The following SLC66A1 variants were observed in gnomAD, a reference collection of about 807,000 sequenced individuals.
SLC66A1 encodes lysosomal amino acid transporter 1 homolog.
A neutral mutation model predicts 33.0 loss-of-function variants in SLC66A1; 23 were observed. The ratio of observed to expected loss-of-function variants is 0.70; its 90% confidence interval spans 0.50 to 0.99. The LOEUF (loss-of-function observed/expected upper bound fraction) is 0.99. Ranked by LOEUF, SLC66A1 falls within the 50% of genes least tolerant of loss-of-function variation. The pLI is 0.00. For missense variants in SLC66A1, 335 were observed against 383.6 expected (o/e 0.87, Z 1.06); for synonymous variants, 164 against 175.5 (o/e 0.93, Z 0.52).
At position 19,328,504 on chromosome 1, in the gene SLC66A1, TC is replaced by T; in HGVS notation, c.805-67del. 6.9e-7 allele frequency: 1 copy of T among 1,453,538 alleles called. No individual in the cohort carries two copies. The highest frequency in any genetic ancestry group is 1.2e-5 in the South Asian group (1 of 82,880). 90.0% of individuals were successfully genotyped at this position (1,453,538 alleles called of 1,614,324 possible). ...GGGAGAGGGAGGCAGCTCCCAGGAG[TC>T]GAAGGCCCCCAGGGGCAGGTCCAAC... On this transcript the variant is annotated intron_variant, in intron 7 of 7. Coordinates refer to ENST00000375153, the MANE Select transcript of SLC66A1 (RefSeq NM_001040125.2). The surrounding 1 kb of genome is among the most constrained non-coding windows in gnomAD (Gnocchi z 4.7).
intron 2 of SLC66A1, among the ~76,000 whole-genome samples, chr1:19,320,280 T>C (rs965226439): frequency 1.3e-5 from 2 of 152,146 alleles, no homozygotes; most frequent in African/African-American, 4.8e-5. Context: ...CTGGGTCCTA[T>C]GTTAACTCTA....
chr1:19,325,216 T>C (rs536980247), intron 3 of SLC66A1, among the ~76,000 whole-genome samples: 1 of 152,320 alleles, frequency 6.6e-6, no homozygotes, highest in South Asian at 2.1e-4. Flanking sequence ...GAGCCATCAC[T>C]TCACCGCGGA....
chr1:19,321,952 T>G (rs1008191167), intron 2 of SLC66A1, among the ~76,000 whole-genome samples: 4 of 152,198 alleles, frequency 2.6e-5, no homozygotes, highest in African/African-American at 9.7e-5. Flanking sequence ...GCTTGATGTT[T>G]TTACTGAGTT....
At chr1:19,327,902 CAT>C in intron 7 of SLC66A1, 1 of 280,720 alleles carries the variant, frequency 3.6e-6, no homozygotes, top group Non-Finnish European at 7.1e-6. Flanking sequence ...TGGAGAGACA[CAT>C]GACTTGGTCA....
chr1:19,314,894 GT>G (rs3215559), intron 1 of SLC66A1, among the ~76,000 whole-genome samples: 49,992 of 149,950 alleles, frequency 0.33, 8,330 homozygotes, highest in Middle Eastern at 0.37. Flanking sequence ...GGACTATATG[GT>G]TTTTTTTTTG....
chr1:19,334,131 A>T (rs1165783834), downstream of SLC66A1, among the ~76,000 whole-genome samples: 1 of 152,170 alleles, frequency 6.6e-6, no homozygotes. Flanking sequence ...ACGGTTACTA[A>T]GTACTCCACC....
chr1:19,331,152 C>T (rs1402851388), downstream of SLC66A1, among the ~76,000 whole-genome samples: 1 of 152,194 alleles, frequency 6.6e-6, no homozygotes, highest in East Asian at 1.9e-4. Context: ...GCTGGGATTA[C>T]AGGCGCCTGC....
At chr1:19,318,261 T>C (rs1196401952) in intron 2 of SLC66A1, among the ~76,000 whole-genome samples, 1 of 152,156 alleles carries the variant, frequency 6.6e-6, no homozygotes, top group Non-Finnish European at 1.5e-5. Flanking sequence ...GTGGGAGGGC[T>C]GGGATGCGTC....
intron 1 of SLC66A1, among the ~76,000 whole-genome samples, chr1:19,313,494 G>A (rs1429170731): frequency 2.0e-5 from 3 of 152,220 alleles, no homozygotes; most frequent in Admixed American, 6.5e-5. Flanking sequence ...CGCAGAGGAC[G>A]GTGGTAGCGT....
intron 7 of SLC66A1, 150 bp downstream of exon 7, chr1:19,327,562 T>G: frequency 1.2e-6 from 1 of 859,912 alleles, no homozygotes; most frequent in Non-Finnish European, 1.7e-6. Flanking sequence ...CCTCCATCTG[T>G]TCACCCAGTC....
chr1:19,325,719 G>T, intron 4 of SLC66A1, 137 bp downstream of exon 4: 1 of 755,140 alleles, frequency 1.3e-6, no homozygotes, highest in South Asian at 1.7e-5. Context: ...GCCTTCCCCG[G>T]GCCTTATCTA....
At chr1:19,320,616 C>G (rs543382388) in intron 2 of SLC66A1, among the ~76,000 whole-genome samples, 27 of 151,630 alleles carry the variant, frequency 1.8e-4, no homozygotes, top group Admixed American at 1.1e-3. Flanking sequence ...GGGGTTTCAC[C>G]GTGTTAGCCA....
rs755542894 is a variant in SLC66A1 at position 19,326,228 on chromosome 1, C to G, written c.383-17C>G. On this transcript the variant is annotated splice_polypyrimidine_tract_variant and intron_variant, in intron 4 of 7. Coordinates refer to ENST00000375153, the MANE Select transcript of SLC66A1 (RefSeq NM_001040125.2). ...ACTCAGCCATCTAACCTCAGCTTCC[C>G]CCTGCCTTGTGTGCAGTGTCTGCCC... 1.3e-6 allele frequency: 2 copies of G among 1,591,562 alleles called. No homozygotes were observed. The highest frequency in any genetic ancestry group is 1.3e-5 in the African/African-American group (1 of 74,718).
rs376906786 is a variant in SLC66A1, at chr1:19,314,695, C to T, written c.-79+1806C>T. ...ATTCACTTCCAGGGCTGCTCAGCCT[C>T]ACCTGTCAAATGAGCACAGTATACC... On this transcript the variant is annotated intron_variant, in intron 1 of 7. Coordinates refer to ENST00000375153, the MANE Select transcript of SLC66A1 (RefSeq NM_001040125.2). Among the ~76,000 whole-genome samples, 141 of 152,328 alleles carry T rather than the reference C, an allele frequency of 9.3e-4. 1 individual carries two copies. The South Asian group carries it at 0.028, about 30-fold the overall frequency.
chr1:19,316,220 C>T (rs577372360), intron 1 of SLC66A1, among the ~76,000 whole-genome samples: 1 of 152,194 alleles, frequency 6.6e-6, no homozygotes, highest in African/African-American at 2.4e-5. Context: ...GCATCCCCCC[C>T]ACACTCTGTG....
chr1:19,317,467 G>GA (rs976411791), intron 1 of SLC66A1, 133 bp from the exon 2 acceptor site: 1 of 1,201,600 alleles, frequency 8.3e-7, no homozygotes, highest in African/African-American at 1.5e-5. Flanking sequence ...GGTGGGTGAA[G>GA]ATTATGTCTT....
intron 7 of SLC66A1, chr1:19,327,916 A>G (rs776900594): frequency 3.7e-4 from 101 of 271,124 alleles, no homozygotes; most frequent in South Asian, 5.6e-4. Context: ...ACTTGGTCAG[A>G]CAAACCTGGG....
At position 19,317,586 on chromosome 1, in the gene SLC66A1, C is replaced by G. The variant is rs866555867; in HGVS notation, c.-78-14C>G. On this transcript the variant is annotated splice_polypyrimidine_tract_variant and intron_variant, in intron 1 of 7. Coordinates refer to ENST00000375153, the MANE Select transcript of SLC66A1 (RefSeq NM_001040125.2). Reference sequence around the variant, plus strand: ...CCTCCCAGTGCTGAAAGCCTCCTCCCTTCCTCCCTGTAGAACCCTTGCTGG... The same window carrying G: ...CCTCCCAGTGCTGAAAGCCTCCTCCGTTCCTCCCTGTAGAACCCTTGCTGG... The G allele has an allele frequency of 6.5e-7, 1 of 1,537,198 alleles. No homozygotes were observed. Among genetic ancestry groups the G allele is most frequent in the South Asian group, 1.2e-5 (1 of 80,398 alleles).
Position 19,317,620 on chromosome 1 carries a change from C to T in SLC66A1, c.-58C>T. 1 of 1,592,218 alleles carries T rather than the reference C, an allele frequency of 6.3e-7. No homozygotes were observed. Among genetic ancestry groups the T allele is most frequent in the Non-Finnish European group, 8.6e-7 (1 of 1,169,226 alleles). ...TGTAGAACCCTTGCTGGCCTCAGAA[C>T]ACCAGCGCCCTCCCTCCGGTGCAGC... On this transcript the variant is annotated 5_prime_UTR_variant, in exon 2 of 8. Transcript: ENST00000375153.
Sources: allele counts gnomAD v4.1 joint callset (sites outside exome capture counted in the v4.1 genomes callset), GRCh38; gene constraint gnomAD v4.1.1; non-coding constraint Gnocchi (gnomAD v3.1); transcripts MANE v1.5; gene names NCBI Gene and HGNC (gene_info 2026-07-23, HGNC 2026-07-21).